Variants in NMT2 observed in about 807,000 individuals in gnomAD.
The protein encoded by NMT2 is N-myristoyltransferase 2, also known as glycylpeptide N-tetradecanoyltransferase 2.
NMT2 carries 35 observed loss-of-function variants against 65.4 expected under a neutral mutation model. The observed-to-expected ratio is 0.54, with a 90% confidence interval of 0.41 to 0.71. The LOEUF (loss-of-function observed/expected upper bound fraction) is 0.71. Ranked by LOEUF, NMT2 falls within the 30% of genes least tolerant of loss-of-function variation. The probability of loss-of-function intolerance (pLI) is 0.00; values close to 1 mark genes in which losing one functional copy is unlikely to be tolerated. For missense variants in NMT2, 489 were observed against 611.3 expected (o/e 0.80, Z 2.11); for synonymous variants, 226 against 231.8 (o/e 0.98, Z 0.23).
chr10:15,154,863 C>A lies in NMT2; in HGVS notation c.111-13306G>T, dbSNP rs544161074. On this transcript the variant is annotated intron_variant, in intron 1 of 11. Transcript: ENST00000378165. Reference sequence around the variant, plus strand: ...GCTCTTGCCATTCTTGGACCCATAGCGCTTCATGGCCTCCACAATCTTGAT... The same window carrying A: ...GCTCTTGCCATTCTTGGACCCATAGAGCTTCATGGCCTCCACAATCTTGAT... 3.8e-6 allele frequency: 3 copies of A among 789,436 alleles called. 1 individual carries two copies. The highest frequency in any genetic ancestry group is 2.7e-5 in the South Asian group (2 of 75,398). The allele number at this position is 789,436 out of a possible 1,614,324, so 48.9% of individuals were successfully genotyped here. A position where few individuals can be genotyped will look rare whatever the true frequency, so the allele number is the denominator to read the frequency against.
At chr10:15,144,294 A>G (rs1438142167) in intron 1 of NMT2, among the ~76,000 whole-genome samples, 1 of 152,208 alleles carries the variant, frequency 6.6e-6, no homozygotes, top group Admixed American at 6.5e-5. Context: ...TAGCATTTAT[A>G]CAATGATGAG....
At chr10:15,148,362 A>G (rs190710073) in intron 1 of NMT2, among the ~76,000 whole-genome samples, 108 of 152,312 alleles carry the variant, frequency 7.1e-4, no homozygotes, top group Admixed American at 1.2e-3. Flanking sequence ...ATAAAAAATT[A>G]GCTGGGCAAG....
intron 1 of NMT2, chr10:15,168,218 G>T: frequency 3.3e-6 from 1 of 300,690 alleles, no homozygotes; most frequent in Non-Finnish European, 6.1e-6. Context: ...CAGGCCGCCG[G>T]CGGGGATGGG....
chr10:15,139,487 G>C (rs552205314), intron 2 of NMT2, among the ~76,000 whole-genome samples: 14 of 152,252 alleles, frequency 9.2e-5, no homozygotes, highest in Non-Finnish European at 1.9e-4. Context: ...GAAAGCAACA[G>C]GAGATGTCCA....
chr10:15,108,481 G>C lies in NMT2; in HGVS notation c.*714C>G. ...ATTACAGGCGTGAGCCACCACGCCC[G>C]GCCTCAGGCTCTTTCAGAGAGCACA... On this transcript the variant is annotated 3_prime_UTR_variant, in exon 12 of 12. Transcript: ENST00000378165. 1 of 985,298 alleles carries C rather than the reference G, an allele frequency of 1.0e-6. No homozygotes were observed. The highest frequency in any genetic ancestry group is 1.2e-6 in the Non-Finnish European group (1 of 829,786). 61.0% of individuals were successfully genotyped at this position (985,298 alleles called of 1,614,324 possible).
intron 8 of NMT2, among the ~76,000 whole-genome samples, chr10:15,120,688 T>C (rs1845899532): frequency 6.6e-6 from 1 of 152,156 alleles, no homozygotes; most frequent in Non-Finnish European, 1.5e-5. Context: ...TAAAAGCGTG[T>C]GGTGATTTTG....
At chr10:15,155,397 C>A in intron 1 of NMT2, 1 of 611,688 alleles carries the variant, frequency 1.6e-6, no homozygotes, top group South Asian at 1.8e-5. Flanking sequence ...GAGATTGGGT[C>A]TCACTCTGTC....
intron 2 of NMT2, among the ~76,000 whole-genome samples, chr10:15,138,674 T>A (rs1846611029): frequency 6.6e-6 from 1 of 152,198 alleles, no homozygotes; most frequent in South Asian, 2.1e-4. Context: ...AGAATCCAAA[T>A]ATCATTTTTA....
At chr10:15,156,820 C>T (rs375095606) in intron 1 of NMT2, among the ~76,000 whole-genome samples, 8 of 151,762 alleles carry the variant, frequency 5.3e-5, no homozygotes, top group African/African-American at 1.5e-4. Flanking sequence ...TGCGTGAACC[C>T]GGGAGGCGGA....
At chr10:15,155,708 G>C (rs1443390155) in intron 1 of NMT2, among the ~76,000 whole-genome samples, 2 of 151,996 alleles carry the variant, frequency 1.3e-5, no homozygotes, top group Non-Finnish European at 2.9e-5. Flanking sequence ...TACAACCACA[G>C]TATGTGATCT....
rs139778910 is a variant in NMT2, at chr10:15,114,309, C to T, written c.1171-1346G>A. On this transcript the variant is annotated intron_variant, in intron 9 of 11. Transcript: ENST00000378165. ...ATCTGCTTTCAGAAAACTACTTCTT[C>T]ACATTCATATTGCTGGTAAAATTAC... Among the ~76,000 whole-genome samples, 129 of 152,328 alleles carry T rather than the reference C, an allele frequency of 8.5e-4. 2 individuals carry two copies. The highest frequency in any genetic ancestry group is 3.4e-3 in the Middle Eastern group (1 of 294).
At chr10:15,118,589 CAA>C (rs34019665) in intron 9 of NMT2, among the ~76,000 whole-genome samples, 2 of 126,344 alleles carry the variant, frequency 1.6e-5, no homozygotes, top group African/African-American at 2.9e-5. Flanking sequence ...CAACTACGGT[CAA>C]AAAAAAAAAA....
intron 1 of NMT2, among the ~76,000 whole-genome samples, chr10:15,147,891 G>A (rs1847019244): frequency 6.6e-6 from 1 of 152,150 alleles, no homozygotes; most frequent in Non-Finnish European, 1.5e-5. Flanking sequence ...AATAACTTTT[G>A]AGTACACCAA....
rs1845343449 is a variant in NMT2 at position 15,107,464 on chromosome 10, G to A, written c.*1731C>T. 1 of 984,938 alleles carries A rather than the reference G, an allele frequency of 1.0e-6. No homozygotes were observed. Among genetic ancestry groups the A allele is most frequent in the Non-Finnish European group, 1.2e-6 (1 of 829,518 alleles). 61.0% of individuals were successfully genotyped at this position (984,938 alleles called of 1,614,324 possible). On this transcript the variant is annotated 3_prime_UTR_variant, in exon 12 of 12. Transcript: ENST00000378165. ...AAAGCAGGGAAAAGTATCTACTTTT[G>A]TTTTTTGAGACGGAGTCTTGCACTG...
intron 1 of NMT2, among the ~76,000 whole-genome samples, chr10:15,162,662 T>G (rs1833238286): frequency 6.6e-6 from 1 of 151,796 alleles, no homozygotes. Flanking sequence ...TATTAAAAAG[T>G]GAGTTCATTA....
intron 1 of NMT2, among the ~76,000 whole-genome samples, chr10:15,152,270 T>C (rs913825724): frequency 7.2e-5 from 11 of 152,050 alleles, no homozygotes; most frequent in Admixed American, 3.3e-4. Context: ...CAAAAGGAAA[T>C]GCACCTCCCA....
At chr10:15,135,719 G>A (rs1199895409) in intron 2 of NMT2, among the ~76,000 whole-genome samples, 1 of 152,118 alleles carries the variant, frequency 6.6e-6, no homozygotes. Flanking sequence ...ACTCCTCTGG[G>A]GGAGACGTGC....
chr10:15,155,377 G>A lies in NMT2; in HGVS notation c.110+13126C>T, dbSNP rs183953210. On this transcript the variant is annotated intron_variant, in intron 1 of 11. Coordinates refer to ENST00000378165, the MANE Select transcript of NMT2 (RefSeq NM_004808.3). ...GCGTCTGCAAAGCCTTTTTTGTTGT[G>A]TTTTTTTAAGAGATTGGGTCTCACT... 5.5e-4 allele frequency: 383 copies of A among 697,820 alleles called. 2 individuals carry two copies. The highest frequency in any genetic ancestry group is 4.8e-4 in the Admixed American group (21 of 43,364). The allele number at this position is 697,820 out of a possible 1,614,324, so 43.2% of individuals were successfully genotyped here. A position where few individuals can be genotyped will look rare whatever the true frequency, so the allele number is the denominator to read the frequency against.
chr10:15,137,658 A>G (rs1359658427), intron 2 of NMT2, among the ~76,000 whole-genome samples: 1 of 152,226 alleles, frequency 6.6e-6, no homozygotes, highest in Non-Finnish European at 1.5e-5. Flanking sequence ...AGTAGAGCCC[A>G]GTCTTATAAA....
Sources: allele counts gnomAD v4.1 joint callset (sites outside exome capture counted in the v4.1 genomes callset), GRCh38; gene constraint gnomAD v4.1.1; transcripts MANE v1.5; gene names NCBI Gene and HGNC (gene_info 2026-07-23, HGNC 2026-07-21).